BRI3BP: variants seen among roughly 807,000 people sequenced by gnomAD.
BRI3BP encodes BRI3-binding protein.
Under a neutral mutation model 15.8 loss-of-function variants are expected in BRI3BP, and 7 were observed. That is an observed-to-expected ratio of 0.44 (90% CI 0.25 to 0.83). The LOEUF (loss-of-function observed/expected upper bound fraction) is 0.83, where lower values mean the gene tolerates loss of function less well. Ranked by LOEUF, BRI3BP falls within the 40% of genes least tolerant of loss-of-function variation. The pLI is 0.20. For missense variants in BRI3BP, 320 were observed against 339.3 expected (o/e 0.94, Z 0.45); for synonymous variants, 192 against 163.5 (o/e 1.17, Z -1.33).
At chr12:125,000,413 A>G (rs977073210) in intron 1 of BRI3BP, among the ~76,000 whole-genome samples, 1 of 144,852 alleles carries the variant, frequency 6.9e-6, no homozygotes, top group African/African-American at 2.6e-5. Context: ...TCCCGGGTTC[A>G]CACCTTTCCC....
intron 2 of BRI3BP, among the ~76,000 whole-genome samples, chr12:125,016,429 G>A (rs1446247127): frequency 2.8e-5 from 4 of 142,486 alleles, no homozygotes; most frequent in Non-Finnish European, 4.5e-5. Context: ...AAAAATGTGA[G>A]CCCCCTAGGT....
chr12:124,998,118 C>A (rs914087478), intron 1 of BRI3BP, among the ~76,000 whole-genome samples: 9 of 106,998 alleles, frequency 8.4e-5, no homozygotes, highest in African/African-American at 3.4e-4. Flanking sequence ...GAGTGAAACT[C>A]CGTCTCAAAA....
At chr12:125,001,529 A>G (rs937947471) in intron 1 of BRI3BP, among the ~76,000 whole-genome samples, 4 of 151,560 alleles carry the variant, frequency 2.6e-5, no homozygotes, top group Middle Eastern at 3.4e-3. Context: ...CTATTTATTT[A>G]TTTATTGTAT....
Position 125,017,019 on chromosome 12 carries a change from A to AT in BRI3BP, c.316+4385dup, listed in dbSNP as rs542768459. Among the ~76,000 whole-genome samples the AT allele has an allele frequency of 1.2e-3, 144 of 121,428 alleles. 1 individual carries two copies. The highest frequency in any genetic ancestry group is 5.8e-3 in the South Asian group (23 of 3,980). 79.7% of individuals were successfully genotyped at this position (121,428 alleles called of 152,430 possible). A position where few individuals can be genotyped will look rare whatever the true frequency, so the allele number is the denominator to read the frequency against. On this transcript the variant is annotated intron_variant, in intron 2 of 2. Coordinates refer to ENST00000341446, the MANE Select transcript of BRI3BP (RefSeq NM_080626.6). ...TCTGGCTAACGTTTGTATTATTATTATTATTTTTTTTTTTCTGAGACCGAG... is the reference window on the plus strand; with the variant it reads ...TCTGGCTAACGTTTGTATTATTATTATTTATTTTTTTTTTTCTGAGACCGAG...
chr12:124,996,949 TG>T (rs1437959535), intron 1 of BRI3BP, among the ~76,000 whole-genome samples: 1 of 151,360 alleles, frequency 6.6e-6, no homozygotes, highest in South Asian at 2.1e-4. Flanking sequence ...TTAGTAGAGA[TG>T]GGGTTTCACC....
chr12:125,002,219 C>T (rs911460445), intron 1 of BRI3BP, among the ~76,000 whole-genome samples: 10 of 152,134 alleles, frequency 6.6e-5, no homozygotes, highest in African/African-American at 2.4e-4. Flanking sequence ...TTTTGCGGTG[C>T]ATACCTAGGA....
chr12:124,996,420 C>G (rs935196210), intron 1 of BRI3BP, among the ~76,000 whole-genome samples: 1 of 152,178 alleles, frequency 6.6e-6, no homozygotes, highest in Non-Finnish European at 1.5e-5. Flanking sequence ...TCTCCTGCCT[C>G]AGCCTCCTGA....
chr12:125,001,174 C>T (rs1241682403), intron 1 of BRI3BP, among the ~76,000 whole-genome samples: 1 of 152,020 alleles, frequency 6.6e-6, no homozygotes, highest in African/African-American at 2.4e-5. Flanking sequence ...CCTGCCTCAG[C>T]CTCCCAAATA....
At chr12:124,997,214 CTTTTTTTTTTT>C (rs1229802280) in intron 1 of BRI3BP, among the ~76,000 whole-genome samples, 1 of 51,550 alleles carries the variant, frequency 1.9e-5, no homozygotes, top group Non-Finnish European at 3.2e-5. Flanking sequence ...CTTTACTTCT[CTTTTTTTTTTT>C]TTTTTTTTGA....
At chr12:125,018,962 G>A (rs528770811) in intron 2 of BRI3BP, among the ~76,000 whole-genome samples, 144 of 152,154 alleles carry the variant, frequency 9.5e-4, no homozygotes, top group African/African-American at 3.3e-3. Context: ...GGGTTCAAGC[G>A]ATTCTCCTGC....
At chr12:125,031,963 T>TA (rs1301683289), downstream of BRI3BP, among the ~76,000 whole-genome samples, 2 of 152,112 alleles carry the variant, frequency 1.3e-5, no homozygotes, top group African/African-American at 4.8e-5. Flanking sequence ...CATAGGTCGA[T>TA]AAGGGGACAA....
chr12:125,002,457 T>G (rs868335808), intron 1 of BRI3BP, among the ~76,000 whole-genome samples: 2,731 of 142,136 alleles, frequency 0.019, 89 homozygotes, highest in African/African-American at 0.065. Context: ...TTTTTTTTTG[T>G]TTTGTTTTTT....
Position 125,029,596 on chromosome 12 carries a change from T to C in BRI3BP, c.*4166T>C, listed in dbSNP as rs1312030861. 1 of 151,064 alleles carries C rather than the reference T, an allele frequency of 6.6e-6. No individual in the cohort carries two copies. Among genetic ancestry groups the C allele is most frequent in the Non-Finnish European group, 1.5e-5 (1 of 67,824 alleles). 9.4% of individuals were successfully genotyped at this position (151,064 alleles called of 1,614,324 possible). On this transcript the variant is annotated 3_prime_UTR_variant, in exon 3 of 3. Coordinates refer to ENST00000341446, the MANE Select transcript of BRI3BP (RefSeq NM_080626.6). The stretch of plus-strand genomic sequence containing the variant: ...TATATATATACACACACACACACTT[T>C]CCAATACCAGTCGGCATTACCCGCC...
chr12:125,012,616 T>C lies in BRI3BP; in HGVS notation c.296T>C (p.Leu99Ser). 2 of 1,607,170 alleles carry C rather than the reference T, an allele frequency of 1.2e-6. No homozygotes were observed. The highest frequency in any genetic ancestry group is 1.7e-6 in the Non-Finnish European group (2 of 1,173,694). Residue 99 changes from leucine to serine, a missense_variant, in exon 2 of 3, where the codon TTG becomes TCG. Leu to Ser is a moderately radical substitution (Grantham distance 145, BLOSUM62 -2). Coordinates refer to ENST00000341446, the MANE Select transcript of BRI3BP (RefSeq NM_080626.6). The part of the protein sequence containing the change: ...ETLWKVWTEL[L>S]DVLGLDVSNL... Reference sequence around the variant, plus strand: ...CTGTGGAAAGTCTGGACCGAGCTCTTGGATGTTCTTGGACTTGACGGTAGG... The same window carrying C: ...CTGTGGAAAGTCTGGACCGAGCTCTCGGATGTTCTTGGACTTGACGGTAGG...
rs779789980 is a variant in BRI3BP, at chr12:125,025,228, T to C, written c.554T>C (p.Val185Ala). The change falls in exon 3 of 3, where the codon GTG (valine) becomes GCG (alanine). Residue 185 changes from valine (V) to alanine (A), a missense_variant. Val to Ala is a moderately conservative substitution (Grantham distance 64, BLOSUM62 0). Coordinates refer to ENST00000341446, the MANE Select transcript of BRI3BP (RefSeq NM_080626.6). ...HKYEGEPENA[V>A]LPLCFVVAVY... ...TACGAGGGCGAGCCGGAGAACGCGG[T>C]GCTGCCGCTGTGCTTCGTGGTGGCC... is the stretch of plus-strand genomic sequence containing the variant. 14 of 1,613,998 alleles carry C rather than the reference T, an allele frequency of 8.7e-6. No individual in the cohort carries two copies. Among genetic ancestry groups the C allele is most frequent in the African/African-American group, 2.7e-5 (2 of 74,920 alleles).
intron 1 of BRI3BP, among the ~76,000 whole-genome samples, chr12:124,995,542 G>A (rs546632355): frequency 6.6e-6 from 1 of 152,310 alleles, no homozygotes; most frequent in East Asian, 1.9e-4. Flanking sequence ...ACTTAAATAA[G>A]ACAATCTGTA....
chr12:125,006,511 G>T (rs977770088), intron 1 of BRI3BP, among the ~76,000 whole-genome samples: 2 of 152,150 alleles, frequency 1.3e-5, no homozygotes, highest in African/African-American at 4.8e-5. Context: ...AGCTTCTCAG[G>T]CATGGCAGTT....
chr12:125,042,894 T>C, the BRI3BP span, among the ~76,000 whole-genome samples: 1 of 152,140 alleles, frequency 6.6e-6, no homozygotes, highest in African/African-American at 2.4e-5. Flanking sequence ...GTGATGCTCC[T>C]GCCTTGGTCT....
chr12:125,023,017 TTC>T (rs1387123348), intron 2 of BRI3BP, among the ~76,000 whole-genome samples: 1 of 152,222 alleles, frequency 6.6e-6, no homozygotes, highest in Non-Finnish European at 1.5e-5. Context: ...TATTCTACTG[TTC>T]TTTTAACTTT....
Sources: gnomAD v4.1 joint callset for allele counts (sites outside exome capture counted in the v4.1 genomes callset) on GRCh38, gnomAD v4.1.1 for gene constraint, MANE v1.5 for transcripts, NCBI Gene and HGNC (gene_info 2026-07-23, HGNC 2026-07-21) for gene names.